PRH1: variants seen among roughly 807,000 people sequenced by gnomAD.
The protein encoded by PRH1 is proline rich protein HaeIII subfamily 1, also known as salivary acidic proline-rich phosphoprotein 1/2.
PRH1 carries 7 observed loss-of-function variants against 7.9 expected under a neutral mutation model. The observed-to-expected ratio is 0.89, with a 90% confidence interval of 0.50 to 1.67. The LOEUF is 1.67. Among genes scored for constraint, PRH1 ranks in the 40% most tolerant of loss-of-function variants. PRH1 has a pLI of 0.00. For missense variants in PRH1, 109 were observed against 223.6 expected, an observed-to-expected ratio of 0.49 and a Z score of 3.27; for synonymous variants, 45 against 80.8, an observed-to-expected ratio of 0.56 and a Z score of 2.38.
At chr12:10,905,370 C>G (rs1404271647) in intron 2 of PRH1, among the ~76,000 whole-genome samples, 1 of 152,034 alleles carries the variant, frequency 6.6e-6, no homozygotes, top group Non-Finnish European at 1.5e-5. Flanking sequence ...ACGTGCCCAT[C>G]AACAATGGAT....
intron 1 of PRH1, among the ~76,000 whole-genome samples, chr12:11,023,751 A>AC (rs1479933088): frequency 2.0e-5 from 3 of 152,198 alleles, no homozygotes; most frequent in Admixed American, 1.3e-4. Context: ...TGCCTTATCT[A>AC]CCCTAAATCA....
At chr12:11,113,597 A>C (rs185436813) in intron 1 of PRH1, among the ~76,000 whole-genome samples, 180 of 152,348 alleles carry the variant, frequency 1.2e-3, no homozygotes, top group South Asian at 2.7e-3. Flanking sequence ...TGTAATATCC[A>C]AAACCATAAA....
At chr12:10,889,858 A>C (rs1949545897) in intron 2 of PRH1, among the ~76,000 whole-genome samples, 1 of 152,046 alleles carries the variant, frequency 6.6e-6, no homozygotes, top group Admixed American at 6.6e-5. Context: ...CTGTTTTCTT[A>C]ATTTATAATT....
In PRH1 at chr12:11,148,532, C is replaced by T. The variant is rs1358065818; in HGVS notation, n.39+22890G>A. ...ATTTTGTCAAAGGCCTTTTCTGCAT[C>T]TATTGAGATAATCATGTGGTTTTTG... On this transcript the variant is annotated intron_variant and non_coding_transcript_variant, in intron 1 of 1. Transcript: ENST00000541175. 3.4e-5 allele frequency among the ~76,000 whole-genome samples: 5 copies of T among 147,490 alleles called. No homozygotes were observed. In the South Asian group the frequency reaches 8.6e-4, roughly 25 times the overall value.
chr12:11,072,543 A>C (rs1211207768), intron 1 of PRH1, among the ~76,000 whole-genome samples: 1 of 152,230 alleles, frequency 6.6e-6, no homozygotes, highest in Non-Finnish European at 1.5e-5. Flanking sequence ...CACATTCTCC[A>C]AGGAATGGAA....
At chr12:11,049,513 T>G (rs1212905767), upstream of PRH1, among the ~76,000 whole-genome samples, 1 of 152,262 alleles carries the variant, frequency 6.6e-6, no homozygotes, top group Non-Finnish European at 1.5e-5. Flanking sequence ...ATACACTGTC[T>G]GTCTTACTAT....
intron 1 of PRH1, among the ~76,000 whole-genome samples, chr12:11,110,054 G>A (rs553477086): frequency 9.2e-5 from 14 of 151,834 alleles, no homozygotes; most frequent in South Asian, 4.1e-4. Flanking sequence ...CCAATCAAGC[G>A]GAAGAAAGGA....
chr12:10,930,253 T>C (rs748149462), intron 2 of PRH1: 37 of 1,612,426 alleles, frequency 2.3e-5, no homozygotes, highest in Middle Eastern at 3.3e-4. Flanking sequence ...CCCATCATCC[T>C]GTACTTCTTT....
intron 1 of PRH1, among the ~76,000 whole-genome samples, chr12:11,162,947 A>C (rs776495257): frequency 9.9e-5 from 15 of 152,236 alleles, no homozygotes; most frequent in Admixed American, 6.5e-5. Flanking sequence ...AGCTGTAAAA[A>C]GAAATGAGAA....
At chr12:11,074,662 AC>A (rs1944225892) in intron 1 of PRH1, among the ~76,000 whole-genome samples, 1 of 114,820 alleles carries the variant, frequency 8.7e-6, no homozygotes, top group South Asian at 2.4e-4. Flanking sequence ...TAAAAAAAAA[AC>A]AAAACAAGTA....
intron 1 of PRH1, among the ~76,000 whole-genome samples, chr12:11,102,300 AGGCTATAGT>A (rs1315121106): frequency 6.6e-6 from 1 of 152,210 alleles, no homozygotes; most frequent in Non-Finnish European, 1.5e-5. Flanking sequence ...CTATACTACA[AGGCTATAGT>A]AACCAAAACA....
chr12:11,038,948 G>A (rs543143860), intron 1 of PRH1, among the ~76,000 whole-genome samples: 2 of 152,286 alleles, frequency 1.3e-5, no homozygotes, highest in East Asian at 1.9e-4. Context: ...TTATAAGCAA[G>A]TGTACTTATA....
intron 2 of PRH1, among the ~76,000 whole-genome samples, chr12:10,901,011 C>T (rs1339182484): frequency 6.6e-6 from 1 of 152,172 alleles, no homozygotes; most frequent in African/African-American, 2.4e-5. Context: ...AGCCTATCCT[C>T]CCCTACCCTT....
At chr12:11,155,744 C>T (rs1036494478) in intron 1 of PRH1, among the ~76,000 whole-genome samples, 6 of 151,702 alleles carry the variant, frequency 4.0e-5, no homozygotes, top group Non-Finnish European at 8.8e-5. Context: ...ATTATTAATC[C>T]TTCCTTAATT....
At chr12:11,015,446 A>T (rs549185438) in intron 1 of PRH1, among the ~76,000 whole-genome samples, 27 of 152,192 alleles carry the variant, frequency 1.8e-4, no homozygotes, top group Admixed American at 6.5e-4. Flanking sequence ...AACTTCCCTC[A>T]GTCTCTTTTT....
intron 1 of PRH1, among the ~76,000 whole-genome samples, chr12:11,168,550 A>G (rs1323067989): frequency 6.6e-6 from 1 of 152,140 alleles, no homozygotes; most frequent in African/African-American, 2.4e-5. Flanking sequence ...TCAAGGAGCC[A>G]AGGTTTCCCA....
chr12:10,885,654 C>T (rs1054489224), upstream of PRH1, among the ~76,000 whole-genome samples: 8 of 152,188 alleles, frequency 5.3e-5, no homozygotes, highest in Non-Finnish European at 1.0e-4. Flanking sequence ...TCTGTGATAC[C>T]TAGAAATTCC....
At chr12:10,988,430 T>C (rs573592934) in intron 1 of PRH1, among the ~76,000 whole-genome samples, 1 of 152,228 alleles carries the variant, frequency 6.6e-6, no homozygotes, top group African/African-American at 2.4e-5. Context: ...GTGCTGCAGG[T>C]AGCATCATCT....
At chr12:11,032,440 T>A (rs1289687685) in intron 1 of PRH1, among the ~76,000 whole-genome samples, 1 of 152,202 alleles carries the variant, frequency 6.6e-6, no homozygotes, top group Non-Finnish European at 1.5e-5. Context: ...CCATAAGATC[T>A]GGTTGCTGCT....
Sources: gnomAD v4.1 joint callset for allele counts (sites outside exome capture counted in the v4.1 genomes callset) on GRCh38, gnomAD v4.1.1 for gene constraint, MANE v1.5 for transcripts, NCBI Gene and HGNC (gene_info 2026-07-23, HGNC 2026-07-21) for gene names.